Variants in NXPE2 observed in about 807,000 individuals in gnomAD.
NXPE2 encodes the protein NXPE family member 2.
NXPE2 carries 34 observed loss-of-function variants against 34.4 expected under a neutral mutation model. The ratio of observed to expected loss-of-function variants is 0.99; its 90% CI spans 0.75 to 1.31. The LOEUF (loss-of-function observed/expected upper bound fraction) is 1.31. NXPE2 is among the 40% of genes most tolerant of loss of function. The pLI, the probability that NXPE2 is intolerant of heterozygous loss-of-function variation, is 0.00. For synonymous variants in NXPE2, 235 were observed against 231.3 expected, an observed-to-expected ratio of 1.02 and a Z score of -0.15; for missense variants, 649 against 672.5, an observed-to-expected ratio of 0.97 and a Z score of 0.39.
At chr11:114,699,004 A>T (rs1367509090) in intron 3 of NXPE2, among the ~76,000 whole-genome samples, 6 of 152,058 alleles carry the variant, frequency 3.9e-5, no homozygotes, top group African/African-American at 1.2e-4. Flanking sequence ...CTTAATATAG[A>T]CCTATAGTTC....
the NXPE2 span, among the ~76,000 whole-genome samples, chr11:114,784,425 A>G: frequency 6.6e-6 from 1 of 152,142 alleles, no homozygotes; most frequent in Admixed American, 6.5e-5. Context: ...CTGTTGTCTC[A>G]ATTGCACAGC....
the NXPE2 span, among the ~76,000 whole-genome samples, chr11:114,738,370 A>C: frequency 6.6e-6 from 1 of 152,144 alleles, no homozygotes. Context: ...TACCACTATG[A>C]GCCTTTATGG....
the NXPE2 span, among the ~76,000 whole-genome samples, chr11:114,494,815 G>T: frequency 6.6e-6 from 1 of 152,158 alleles, no homozygotes; most frequent in Non-Finnish European, 1.5e-5. Context: ...AGTCTTCATG[G>T]TCTGGGCTTG....
chr11:114,522,396 C>A, the NXPE2 span: 1 of 1,613,948 alleles, frequency 6.2e-7, no homozygotes, highest in East Asian at 2.2e-5. Flanking sequence ...TGGAAAGTGA[C>A]GAAGGGATAG....
At chr11:114,530,604 C>T in the NXPE2 span, 1 of 1,614,166 alleles carries the variant, frequency 6.2e-7, no homozygotes, top group South Asian at 1.1e-5. Flanking sequence ...GAAATCCCCA[C>T]CATATTGCTT....
the NXPE2 span, among the ~76,000 whole-genome samples, chr11:114,639,822 T>C: frequency 8.5e-6 from 1 of 117,470 alleles, no homozygotes; most frequent in African/African-American, 3.5e-5. Context: ...ATATAAAATA[T>C]AATATATATT....
chr11:114,695,944 G>C (rs1418514455), intron 2 of NXPE2, among the ~76,000 whole-genome samples: 1 of 151,860 alleles, frequency 6.6e-6, no homozygotes, highest in Non-Finnish European at 1.5e-5. Flanking sequence ...CTTGAACCCG[G>C]GAGGCGGAGG....
the NXPE2 span, chr11:114,551,290 A>C: frequency 3.8e-6 from 5 of 1,327,626 alleles, no homozygotes; most frequent in Non-Finnish European, 5.0e-6. Context: ...TATAACTTGT[A>C]ATTTGCCTCC....
At chr11:114,679,593 G>A (rs1950914196) in intron 1 of NXPE2, 64 bp from the exon 2 acceptor site, 2 of 978,106 alleles carry the variant, frequency 2.0e-6, no homozygotes, top group Admixed American at 4.7e-5. Flanking sequence ...AGGAACCAAA[G>A]TGTACGGAGC....
At chr11:114,527,832 C>T in the NXPE2 span, 1 of 1,600,694 alleles carries the variant, frequency 6.2e-7, no homozygotes, top group Non-Finnish European at 8.5e-7. Context: ...AGGACAGAGC[C>T]AACTTACTGT....
the NXPE2 span, among the ~76,000 whole-genome samples, chr11:114,811,913 G>A: frequency 2.6e-5 from 4 of 152,162 alleles, no homozygotes; most frequent in African/African-American, 9.7e-5. Flanking sequence ...ATAGTAATGT[G>A]TACCTTAGAG....
the NXPE2 span, among the ~76,000 whole-genome samples, chr11:114,600,009 G>A: frequency 7.9e-5 from 12 of 152,054 alleles, no homozygotes; most frequent in African/African-American, 1.2e-4. Context: ...CCTCACAGAA[G>A]AATTCCAACT....
chr11:114,625,464 G>T, the NXPE2 span, among the ~76,000 whole-genome samples: 1 of 152,056 alleles, frequency 6.6e-6, no homozygotes, highest in African/African-American at 2.4e-5. Context: ...GGTAACCACT[G>T]TCACCCGGTG....
the NXPE2 span, among the ~76,000 whole-genome samples, chr11:114,800,259 A>ACCCCTTATTC: frequency 6.6e-6 from 1 of 152,248 alleles, no homozygotes; most frequent in African/African-American, 2.4e-5. Flanking sequence ...TAAGGGGTTA[A>ACCCCTTATTC]CCAATCTAAA....
At chr11:114,571,686 G>A in the NXPE2 span, among the ~76,000 whole-genome samples, 1 of 152,202 alleles carries the variant, frequency 6.6e-6, no homozygotes, top group South Asian at 2.1e-4. Flanking sequence ...TAGGAGGCAG[G>A]ACTAGCTTGC....
chr11:114,606,747 A>C, the NXPE2 span, among the ~76,000 whole-genome samples: 24 of 152,044 alleles, frequency 1.6e-4, no homozygotes, highest in East Asian at 4.3e-3. Flanking sequence ...CTGCTGGATA[A>C]TAAGTAGTAC....
chr11:114,615,159 T>C, the NXPE2 span, among the ~76,000 whole-genome samples: 5 of 152,002 alleles, frequency 3.3e-5, no homozygotes, highest in African/African-American at 1.2e-4. Context: ...TAACCACTCT[T>C]ACCAGGTGGA....
the NXPE2 span, among the ~76,000 whole-genome samples, chr11:114,661,479 G>A: frequency 6.6e-6 from 1 of 152,136 alleles, no homozygotes; most frequent in Non-Finnish European, 1.5e-5. Context: ...AACGCTGCCT[G>A]TTTTGTCTGC....
chr11:114,654,061 G>A, the NXPE2 span, among the ~76,000 whole-genome samples: 1 of 152,246 alleles, frequency 6.6e-6, no homozygotes, highest in South Asian at 2.1e-4. Flanking sequence ...TAATGACAAT[G>A]ATACAAAGTG....
Sources: gnomAD v4.1 joint callset for allele counts (sites outside exome capture counted in the v4.1 genomes callset) on GRCh38, gnomAD v4.1.1 for gene constraint, MANE v1.5 for transcripts, NCBI Gene and HGNC (gene_info 2026-07-23, HGNC 2026-07-21) for gene names.